INPP1: variants seen among roughly 807,000 people sequenced by gnomAD.
The protein encoded by INPP1 is inositol polyphosphate-1-phosphatase.
A neutral mutation model predicts 23.0 loss-of-function variants in INPP1; 18 were observed. The observed-to-expected ratio is 0.78, with a 90% CI of 0.54 to 1.16. The LOEUF (loss-of-function observed/expected upper bound fraction) is 1.16, where lower values mean the gene tolerates loss of function less well. INPP1 is among the 50% of genes most tolerant of loss of function. The probability of loss-of-function intolerance (pLI) is 0.00; values close to 1 mark genes in which losing one functional copy is unlikely to be tolerated. For missense variants in INPP1, 448 were observed against 482.1 expected (o/e 0.93, Z 0.66); for synonymous variants, 164 against 176.3 (o/e 0.93, Z 0.55).
chr2:190,366,494 G>A (rs1334077992), intron 4 of INPP1, among the ~76,000 whole-genome samples: 4 of 135,588 alleles, frequency 3.0e-5, no homozygotes, highest in Admixed American at 2.2e-4. Flanking sequence ...TGTGTCTCTC[G>A]CTCTCTCTGT....
At chr2:190,344,133 C>T (rs1689170409) in intron 1 of INPP1, 172 bp downstream of exon 1, 1 of 175,930 alleles carries the variant, frequency 5.7e-6, no homozygotes, top group Non-Finnish European at 1.2e-5. Flanking sequence ...CCTGCGAGGT[C>T]CCTGCCCCGG....
Position 190,362,659 on chromosome 2 carries a change from A to C in INPP1, c.237A>C (p.Glu79Asp). 6.2e-7 allele frequency: 1 copy of C among 1,607,858 alleles called. No individual in the cohort carries two copies. The highest frequency in any genetic ancestry group is 1.1e-5 in the South Asian group (1 of 89,968). Residue 79 changes from glutamate to aspartate, a missense_variant, in exon 4 of 7, where the codon GAA becomes GAC. Coordinates refer to ENST00000392329, the MANE Select transcript of INPP1 (RefSeq NM_001128928.2). ...FPGLEKNIFG[E>D]ESNEFTNDWG... ...GCTTGGAAAAAAATATTTTTGGAGA[A>C]GAATCCAATGAGTTTACTAATGACT...
Position 190,345,858 on chromosome 2 carries a change from G to GTCCCAGCTAT in INPP1, c.-209+1898_-209+1899insCCCAGCTATT, listed in dbSNP as rs1433775639. On this transcript the variant is annotated intron_variant, in intron 1 of 6. Transcript: ENST00000392329. This position sits in a 1 kb window ranked among gnomAD's most constrained non-coding sequence, Gnocchi z 4.9. ...AAAATACAAAAATTAGCCAGGCGTG[G>GTCCCAGCTAT]TAGCAAGCACCTGTAGTCCCAGCTA... 7.2e-5 allele frequency among the ~76,000 whole-genome samples: 11 copies of GTCCCAGCTAT among 152,278 alleles called. No individual in the cohort carries two copies. In the East Asian group the frequency reaches 1.3e-3, roughly 19 times the overall value.
rs1426133022 is a variant in INPP1 at position 190,362,672 on chromosome 2, T to C, written c.250T>C (p.Phe84Leu). Residue 84 changes from phenylalanine to leucine, a missense_variant, in exon 4 of 7, where the codon TTT becomes CTT. Transcript: ENST00000392329. ...KNIFGEESNE[F>L]TNDWGEKITL... The stretch of plus-strand genomic sequence containing the variant: ...TATTTTTGGAGAAGAATCCAATGAG[T>C]TTACTAATGACTGGGGTAAGTATAA... 1.3e-6 allele frequency: 2 copies of C among 1,599,068 alleles called. No homozygotes were observed. Among genetic ancestry groups the C allele is most frequent in the African/African-American group, 1.3e-5 (1 of 74,502 alleles).
At chr2:190,344,563 G>A (rs373279222) in intron 1 of INPP1, among the ~76,000 whole-genome samples, 92 of 152,334 alleles carry the variant, frequency 6.0e-4, no homozygotes, top group African/African-American at 2.1e-3. Flanking sequence ...ATTTTGAAAG[G>A]TGGTTTTGTG....
In INPP1 at chr2:190,368,121, G is replaced by A. The variant is rs1689721330; in HGVS notation, c.467-982G>A. Among the ~76,000 whole-genome samples, 1 of 152,124 alleles carries A rather than the reference G, an allele frequency of 6.6e-6. No homozygotes were observed. Among genetic ancestry groups the A allele is most frequent in the Admixed American group, 6.5e-5 (1 of 15,276 alleles). ...ACTAAAAACCTTTCCCCAAATCTTT[G>A]ATCATTTAAGGGTAAATTGGCATCA... On this transcript the variant is annotated intron_variant, in intron 5 of 6. Transcript: ENST00000392329. This position sits in a 1 kb window ranked among gnomAD's most constrained non-coding sequence, Gnocchi z 4.3.
chr2:190,348,598 A>T (rs1689268442), intron 1 of INPP1, among the ~76,000 whole-genome samples: 1 of 152,176 alleles, frequency 6.6e-6, no homozygotes, highest in South Asian at 2.1e-4. Context: ...GTCTCCACGA[A>T]TTTGACATTC....
rs562894665 is a variant in INPP1 at position 190,362,745 on chromosome 2, C to T, written c.265+58C>T. On this transcript the variant is annotated intron_variant, in intron 4 of 6. Coordinates refer to ENST00000392329, the MANE Select transcript of INPP1 (RefSeq NM_001128928.2). ...TTTAATTATCATATGGTATTCTAGT[C>T]TCTAGTTTATACCATGAACTAAATG... 3.4e-5 allele frequency: 39 copies of T among 1,163,504 alleles called. No individual in the cohort carries two copies. The African/African-American group carries it at 6.0e-4, about 18-fold the overall frequency. The allele number at this position is 1,163,504 out of a possible 1,614,324, so 72.1% of individuals were successfully genotyped here. A position where few individuals can be genotyped will look rare whatever the true frequency, so the allele number is the denominator to read the frequency against.
chr2:190,364,586 T>C (rs1689604906), intron 4 of INPP1, among the ~76,000 whole-genome samples: 1 of 117,792 alleles, frequency 8.5e-6, no homozygotes, highest in South Asian at 2.6e-4. Flanking sequence ...CATCTGAGGT[T>C]CTGATTTTTT....
At chr2:190,362,921 A>C (rs950578154) in intron 4 of INPP1, 1 of 321,944 alleles carries the variant, frequency 3.1e-6, no homozygotes, top group Non-Finnish European at 5.7e-6. Flanking sequence ...TTAGATATAA[A>C]TCTGTGGCAT....
At position 190,366,864 on chromosome 2, in the gene INPP1, G is replaced by A. The variant is rs1689688964; in HGVS notation, c.435G>A (p.Gln145=). Residue 145 remains glutamine (Q), a synonymous_variant, in exon 5 of 7, where the codon CAG becomes CAA. Coordinates refer to ENST00000392329, the MANE Select transcript of INPP1 (RefSeq NM_001128928.2). The part of the protein sequence containing the change: ...TLDSTEINVP[Q]DILGIWVDPI... The stretch of plus-strand genomic sequence containing the variant: ...ATTCCACAGAGATCAATGTTCCACA[G>A]GACATTTTGGGAATTTGGGTGGACC... 1 of 1,613,692 alleles carries A rather than the reference G, an allele frequency of 6.2e-7. No individual in the cohort carries two copies. Among genetic ancestry groups the A allele is most frequent in the Non-Finnish European group, 8.5e-7 (1 of 1,179,698 alleles).
intron 4 of INPP1, chr2:190,365,107 T>TA (rs1325630909): frequency 5.9e-6 from 1 of 169,252 alleles, no homozygotes; most frequent in Admixed American, 6.5e-5. Flanking sequence ...GCCTATTTTT[T>TA]ACCAGCCTCT....
At chr2:190,360,346 C>G (rs777495313) in intron 3 of INPP1, 40 bp downstream of exon 3, 3 of 1,570,390 alleles carry the variant, frequency 1.9e-6, no homozygotes, top group Non-Finnish European at 2.6e-6. Flanking sequence ...AAAATAGTTG[C>G]ATCTGTGGCT....
At position 190,354,945 on chromosome 2, in the gene INPP1, T is replaced by C. The variant is rs1207547725; in HGVS notation, c.-64-5094T>C. Reference sequence around the variant, plus strand: ...CTAGGGGTGTGTGTGTGTGTGTGTGTGCATTTTTTTTTTTTTTGCTATATA... The same window carrying C: ...CTAGGGGTGTGTGTGTGTGTGTGTGCGCATTTTTTTTTTTTTTGCTATATA... On this transcript the variant is annotated intron_variant, in intron 2 of 6. Coordinates refer to ENST00000392329, the MANE Select transcript of INPP1 (RefSeq NM_001128928.2). The surrounding 1 kb of genome is among the most constrained non-coding windows in gnomAD (Gnocchi z 4.8). Among the ~76,000 whole-genome samples, 1 of 116,770 alleles carries C rather than the reference T, an allele frequency of 8.6e-6. No individual in the cohort carries two copies. Among genetic ancestry groups the C allele is most frequent in the Non-Finnish European group, 1.6e-5 (1 of 61,262 alleles). 76.6% of individuals were successfully genotyped at this position (116,770 alleles called of 152,430 possible).
Position 190,371,047 on chromosome 2 carries a change from A to C in INPP1, c.845A>C (p.Asp282Ala), listed in dbSNP as rs1689792057. The C allele has an allele frequency of 1.2e-6, 2 of 1,614,090 alleles. No individual in the cohort carries two copies. The highest frequency in any genetic ancestry group is 2.7e-5 in the African/African-American group (2 of 74,926). The change falls in exon 7 of 7, where the codon GAT becomes GCT. Residue 282 changes from aspartate (D) to alanine (A), a missense_variant. By Grantham distance (126) the Asp-to-Ala change is moderately radical. Coordinates refer to ENST00000392329, the MANE Select transcript of INPP1 (RefSeq NM_001128928.2). The surrounding 1 kb of genome is among the most constrained non-coding windows in gnomAD (Gnocchi z 5.3). ...IKAALSRVCG[D>A]RIFGAAGAGY... ...GCTGCATTGTCACGTGTGTGTGGAG[A>C]TCGCATATTTGGGGCAGCTGGGGCT...
chr2:190,364,017 T>C (rs1298065932), intron 4 of INPP1, among the ~76,000 whole-genome samples: 1 of 152,214 alleles, frequency 6.6e-6, no homozygotes, highest in East Asian at 1.9e-4. Flanking sequence ...GTGATATAAT[T>C]TCTTCCTTTG....
In INPP1 at chr2:190,354,432, T is replaced by A. The variant is rs1382782802; in HGVS notation, c.-65+5401T>A. Among the ~76,000 whole-genome samples the A allele has an allele frequency of 6.6e-6, 1 of 152,200 alleles. No individual in the cohort carries two copies. The highest frequency in any genetic ancestry group is 2.4e-5 in the African/African-American group (1 of 41,450). On this transcript the variant is annotated intron_variant, in intron 2 of 6. Transcript: ENST00000392329. The surrounding 1 kb of genome is among the most constrained non-coding windows in gnomAD (Gnocchi z 4.8). ...AACCCCCAGTACCTCAGAATGGGAC[T>A]GTACTTGCAGATAGGACCTTTAAAG...
At position 190,348,994 on chromosome 2, in the gene INPP1, C is replaced by A. The variant is rs1471488573; in HGVS notation, c.-102C>A. ...CAAGCAAGGCTCTTTCTACCGCACACCCTGCAGGCCCATCCAGGCCCATCC... is the reference window on the plus strand; with the variant it reads ...CAAGCAAGGCTCTTTCTACCGCACAACCTGCAGGCCCATCCAGGCCCATCC... On this transcript the variant is annotated 5_prime_UTR_variant, in exon 2 of 7. Coordinates refer to ENST00000392329, the MANE Select transcript of INPP1 (RefSeq NM_001128928.2). 6.6e-6 allele frequency: 1 copy of A among 152,252 alleles called. No individual in the cohort carries two copies. Among genetic ancestry groups the A allele is most frequent in the Non-Finnish European group, 1.5e-5 (1 of 68,096 alleles). 9.4% of individuals were successfully genotyped at this position (152,252 alleles called of 1,614,324 possible).
At chr2:190,362,160 A>G (rs2067417) in intron 3 of INPP1, among the ~76,000 whole-genome samples, 62,559 of 152,060 alleles carry the variant, frequency 0.41, 14,885 homozygotes, top group African/African-American at 0.66. Context: ...GCCTGAAAAT[A>G]AAAACAAAAT....
Sources: gnomAD v4.1 joint callset for allele counts (sites outside exome capture counted in the v4.1 genomes callset) on GRCh38, gnomAD v4.1.1 for gene constraint, Gnocchi (gnomAD v3.1) non-coding constraint, MANE v1.5 for transcripts, NCBI Gene and HGNC (gene_info 2026-07-23, HGNC 2026-07-21) for gene names.